The following PARD3B variants were observed in gnomAD, a reference collection of about 807,000 sequenced individuals.
The protein encoded by PARD3B is par-3 family cell polarity regulator beta.
Under a neutral mutation model 130.2 loss-of-function variants are expected in PARD3B, and 103 were observed. The observed-to-expected ratio is 0.79, with a 90% CI of 0.67 to 0.93. PARD3B has a LOEUF of 0.93. Among genes scored for constraint, PARD3B ranks in the 40% least tolerant of loss-of-function variants. The probability of loss-of-function intolerance (pLI) is 0.00; values close to 1 mark genes in which losing one functional copy is unlikely to be tolerated. For missense variants in PARD3B, 1,609 were observed against 1,499.2 expected, an observed-to-expected ratio of 1.07 and a Z score of -1.21; for synonymous variants, 583 against 553.2, an observed-to-expected ratio of 1.05 and a Z score of -0.76.
chr2:204,645,006 G>A (rs2125159293), intron 1 of PARD3B, among the ~76,000 whole-genome samples: 1 of 152,228 alleles, frequency 6.6e-6, no homozygotes, highest in Middle Eastern at 3.4e-3. Context: ...TAAATCTTGG[G>A]TGGTTTAGGC....
intron 15 of PARD3B, among the ~76,000 whole-genome samples, chr2:205,236,494 AAGGAGAGATGCCCC>A (rs2039068272): frequency 6.6e-6 from 1 of 152,168 alleles, no homozygotes; most frequent in Non-Finnish European, 1.5e-5. Flanking sequence ...TCTACGAGCC[AAGGAGAGATGCCCC>A]AGGAGAAATC....
intron 20 of PARD3B, among the ~76,000 whole-genome samples, chr2:205,497,203 GAAAA>G (rs35346665): frequency 7.7e-6 from 1 of 129,114 alleles, no homozygotes; most frequent in Non-Finnish European, 1.7e-5. Flanking sequence ...CATACATATT[GAAAA>G]AAAAAAAAAA....
intron 1 of PARD3B, among the ~76,000 whole-genome samples, chr2:204,593,629 G>A (rs749358595): frequency 1.3e-5 from 2 of 152,050 alleles, no homozygotes. Flanking sequence ...CTTTTATTTG[G>A]CTCTATTTAA....
At chr2:204,658,544 C>T (rs552818035) in intron 1 of PARD3B, among the ~76,000 whole-genome samples, 45 of 152,260 alleles carry the variant, frequency 3.0e-4, no homozygotes, top group Non-Finnish European at 3.7e-4. Context: ...TGACCATTCA[C>T]TTTGTCAGTT....
At chr2:205,307,040 T>C (rs181581193) in intron 18 of PARD3B, among the ~76,000 whole-genome samples, 3 of 152,340 alleles carry the variant, frequency 2.0e-5, no homozygotes, top group East Asian at 3.9e-4. Context: ...AGTTATACCA[T>C]GTAGAATGGC....
chr2:205,462,630 C>A (rs938767254), intron 20 of PARD3B, among the ~76,000 whole-genome samples: 1 of 152,160 alleles, frequency 6.6e-6, no homozygotes, highest in African/African-American at 2.4e-5. Flanking sequence ...TCATTCCAGG[C>A]ACATGGAGTT....
At chr2:205,262,613 A>G (rs2040357566) in intron 16 of PARD3B, among the ~76,000 whole-genome samples, 1 of 152,116 alleles carries the variant, frequency 6.6e-6, no homozygotes, top group African/African-American at 2.4e-5. Context: ...CTATGACCAT[A>G]AAGTTGTTAC....
chr2:205,496,208 C>CAATT (rs1355547266), intron 20 of PARD3B, among the ~76,000 whole-genome samples: 12 of 152,086 alleles, frequency 7.9e-5, no homozygotes, highest in African/African-American at 2.9e-4. Context: ...AATATGGAAT[C>CAATT]AATTAATTGC....
At chr2:204,651,860 T>C (rs373006856) in intron 1 of PARD3B, among the ~76,000 whole-genome samples, 3 of 152,146 alleles carry the variant, frequency 2.0e-5, no homozygotes, top group African/African-American at 7.2e-5. Flanking sequence ...CCAAACACCA[T>C]GTGGAAGCTG....
At chr2:205,290,942 T>G (rs1326324959) in intron 16 of PARD3B, among the ~76,000 whole-genome samples, 2 of 152,218 alleles carry the variant, frequency 1.3e-5, no homozygotes, top group Admixed American at 1.3e-4. Flanking sequence ...AATCTGCCTG[T>G]GCCTTGATCT....
At chr2:205,126,614 C>T (rs1237104043) in intron 10 of PARD3B, among the ~76,000 whole-genome samples, 7 of 151,028 alleles carry the variant, frequency 4.6e-5, no homozygotes, top group African/African-American at 7.3e-5. Context: ...GGCGCGGTGG[C>T]GGGCACCTGT....
intron 3 of PARD3B, among the ~76,000 whole-genome samples, chr2:205,029,253 C>T (rs1697259257): frequency 1.3e-5 from 2 of 152,130 alleles, no homozygotes; most frequent in Non-Finnish European, 2.9e-5. Context: ...GAGCCTTTCT[C>T]CACTATTCAC....
In PARD3B at chr2:205,592,137, C is replaced by T. The variant is rs568917715; in HGVS notation, c.3261-23319C>T. On this transcript the variant is annotated intron_variant, in intron 22 of 22. Transcript: ENST00000406610. The surrounding 1 kb of genome is among the most constrained non-coding windows in gnomAD (Gnocchi z 4.5). The stretch of plus-strand genomic sequence containing the variant: ...TGCTTAGTATCATAATTCCCACTTC[C>T]GAGTGAAGAAAATAAACACAGAGAA... 1.4e-4 allele frequency among the ~76,000 whole-genome samples: 22 copies of T among 152,306 alleles called. No homozygotes were observed. Among genetic ancestry groups the T allele is most frequent in the East Asian group, 1.2e-3 (6 of 5,182 alleles).
chr2:204,859,145 A>T (rs2045080661), intron 2 of PARD3B, among the ~76,000 whole-genome samples: 1 of 152,044 alleles, frequency 6.6e-6, no homozygotes, highest in Non-Finnish European at 1.5e-5. Flanking sequence ...TTAATAGCCA[A>T]TTTTTTCTTT....
intron 18 of PARD3B, among the ~76,000 whole-genome samples, chr2:205,317,168 A>G (rs940670073): frequency 6.6e-6 from 1 of 152,226 alleles, no homozygotes; most frequent in African/African-American, 2.4e-5. Context: ...CAGTGTACTC[A>G]GTAAAGATAC....
chr2:205,114,402 A>T (rs1240906944), intron 6 of PARD3B, among the ~76,000 whole-genome samples: 7 of 152,142 alleles, frequency 4.6e-5, no homozygotes, highest in Admixed American at 4.6e-4. Context: ...CTTAAAAGAA[A>T]ATCAGTTTTT....
chr2:205,072,679 G>A, intron 4 of PARD3B, among the ~76,000 whole-genome samples: 1 of 152,122 alleles, frequency 6.6e-6, no homozygotes, highest in African/African-American at 2.4e-5. Context: ...ATTTTAAATA[G>A]AAAAATTGAA....
intron 2 of PARD3B, among the ~76,000 whole-genome samples, chr2:204,797,619 A>G (rs2042420599): frequency 1.3e-5 from 2 of 152,186 alleles, no homozygotes; most frequent in South Asian, 2.1e-4. Flanking sequence ...AAAAATTATT[A>G]TAAACAGATA....
chr2:205,256,139 A>C (rs1350861855), intron 16 of PARD3B, among the ~76,000 whole-genome samples: 1 of 151,780 alleles, frequency 6.6e-6, no homozygotes, highest in Non-Finnish European at 1.5e-5. Context: ...CCAAATATAT[A>C]TTTTATATTA....
Sources: gnomAD v4.1 joint callset for allele counts (sites outside exome capture counted in the v4.1 genomes callset) on GRCh38, gnomAD v4.1.1 for gene constraint, Gnocchi (gnomAD v3.1) non-coding constraint, MANE v1.5 for transcripts, NCBI Gene and HGNC (gene_info 2026-07-23, HGNC 2026-07-21) for gene names.